ROBO2: variants seen among roughly 807,000 people sequenced by gnomAD.
The protein encoded by ROBO2 is roundabout homolog 2.
A neutral mutation model predicts 160.8 loss-of-function variants in ROBO2; 53 were observed. The observed-to-expected ratio is 0.33, with a 90% confidence interval of 0.26 to 0.41. The LOEUF (loss-of-function observed/expected upper bound fraction) is 0.41, where lower values mean the gene tolerates loss of function less well. Ranked by LOEUF, ROBO2 falls within the 10% of genes least tolerant of loss-of-function variation. The probability of loss-of-function intolerance (pLI) is 1.00; values close to 1 mark genes in which losing one functional copy is unlikely to be tolerated. For missense variants in ROBO2, 1,577 were observed against 1,722.4 expected, an observed-to-expected ratio of 0.92 and a Z score of 1.49; for synonymous variants, 664 against 611.7, an observed-to-expected ratio of 1.09 and a Z score of -1.26.
intron 2 of ROBO2, among the ~76,000 whole-genome samples, chr3:76,029,734 A>G (rs974163105): frequency 2.6e-5 from 4 of 152,150 alleles, no homozygotes; most frequent in Non-Finnish European, 5.9e-5. Flanking sequence ...CATGGTGTAT[A>G]TGTGCCACAT....
chr3:76,029,040 A>G (rs960187769), intron 2 of ROBO2, among the ~76,000 whole-genome samples: 1 of 152,038 alleles, frequency 6.6e-6, no homozygotes, highest in Non-Finnish European at 1.5e-5. Flanking sequence ...ACTTGTGTAT[A>G]CAGTTCTGGA....
At chr3:76,596,911 T>C (rs2086770999) in intron 2 of ROBO2, among the ~76,000 whole-genome samples, 1 of 152,130 alleles carries the variant, frequency 6.6e-6, no homozygotes, top group African/African-American at 2.4e-5. Flanking sequence ...AACAAAAATA[T>C]AACAAAAGTG....
intron 2 of ROBO2, among the ~76,000 whole-genome samples, chr3:76,106,117 C>G (rs1055448673): frequency 6.6e-6 from 1 of 152,026 alleles, no homozygotes; most frequent in Non-Finnish European, 1.5e-5. Context: ...TAAGTGGGCC[C>G]TGTTTGACTG....
rs2093882435 is a variant in ROBO2 at position 76,745,970 on chromosome 3, C to T, written c.110-352044C>T. ...TTAACATTAGGTATATCTCCTAATG[C>T]TATCCCTCCCTCCTTCCCCCACCCC... On this transcript the variant is annotated intron_variant, in intron 2 of 26. Coordinates refer to the ROBO2 transcript ENST00000487694. Among the ~76,000 whole-genome samples the T allele has an allele frequency of 2.1e-5, 3 of 139,858 alleles. No homozygotes were observed. In the South Asian group the frequency reaches 7.2e-4, roughly 34 times the overall value. The allele number at this position is 139,858 out of a possible 152,430, so 91.8% of individuals were successfully genotyped here. A position where few individuals can be genotyped will look rare whatever the true frequency, so the allele number is the denominator to read the frequency against.
At chr3:76,412,243 CT>C (rs2075526516) in intron 2 of ROBO2, among the ~76,000 whole-genome samples, 1 of 152,178 alleles carries the variant, frequency 6.6e-6, no homozygotes, top group African/African-American at 2.4e-5. Flanking sequence ...GTCCCTCCCC[CT>C]GGGTTACTCC....
intron 1 of ROBO2, among the ~76,000 whole-genome samples, chr3:77,068,630 C>T (rs933946908): frequency 3.9e-5 from 6 of 151,998 alleles, no homozygotes; most frequent in Non-Finnish European, 7.4e-5. Flanking sequence ...AATTCAAACT[C>T]ATTACTGATT....
At chr3:77,322,681 T>C (rs1230331151) in intron 2 of ROBO2, among the ~76,000 whole-genome samples, 2 of 148,654 alleles carry the variant, frequency 1.3e-5, no homozygotes, top group Admixed American at 6.9e-5. Context: ...CATTCTTGAA[T>C]ATTTTAGTTT....
intron 22 of ROBO2, among the ~76,000 whole-genome samples, chr3:77,619,373 C>A (rs1351118571): frequency 6.6e-6 from 1 of 152,080 alleles, no homozygotes; most frequent in African/African-American, 2.4e-5. Flanking sequence ...ATAGAACTCA[C>A]CAAAAGATTT....
intron 2 of ROBO2, among the ~76,000 whole-genome samples, chr3:77,461,648 A>T (rs1022065304): frequency 1.4e-4 from 21 of 151,952 alleles, no homozygotes; most frequent in Middle Eastern, 3.4e-3. Flanking sequence ...TTTTAAAAAA[A>T]ATTTTCTTTA....
intron 21 of ROBO2, among the ~76,000 whole-genome samples, chr3:77,614,866 C>T (rs902600450): frequency 6.6e-6 from 1 of 152,198 alleles, no homozygotes; most frequent in Non-Finnish European, 1.5e-5. Context: ...ATCCCTAACT[C>T]TCTTGCCTCT....
At chr3:77,075,991 C>T (rs1162522933) in intron 1 of ROBO2, among the ~76,000 whole-genome samples, 4 of 151,616 alleles carry the variant, frequency 2.6e-5, no homozygotes, top group African/African-American at 9.7e-5. Flanking sequence ...ATACTACATA[C>T]ATACTATTTC....
At chr3:77,180,437 T>A (rs1250085613) in intron 2 of ROBO2, among the ~76,000 whole-genome samples, 39 of 99,086 alleles carry the variant, frequency 3.9e-4, no homozygotes, top group African/African-American at 1.1e-3. Flanking sequence ...TATATGTATT[T>A]TTTTTTTTTT....
chr3:76,801,872 A>G (rs2064226488), intron 2 of ROBO2, among the ~76,000 whole-genome samples: 1 of 152,150 alleles, frequency 6.6e-6, no homozygotes, highest in Non-Finnish European at 1.5e-5. Context: ...TTGAGCCCTT[A>G]GAGTCCTTTG....
intron 2 of ROBO2, among the ~76,000 whole-genome samples, chr3:77,428,337 A>ATTTTTTTTTTTTTTTTTTTTTTTTTTT (rs1491236295): frequency 7.8e-6 from 1 of 128,224 alleles, no homozygotes. Context: ...AACTTAGGTA[A>ATTTTTTTTTTTTTTTTTTTTTTTTTTT]TATTTTTTTT....
chr3:77,498,152 T>C (rs777287878), intron 5 of ROBO2, among the ~76,000 whole-genome samples: 26 of 152,166 alleles, frequency 1.7e-4, no homozygotes, highest in Non-Finnish European at 3.4e-4. Context: ...ATCATATAAC[T>C]TTCAGCATAT....
intron 2 of ROBO2, among the ~76,000 whole-genome samples, chr3:77,210,347 G>C (rs1487301374): frequency 1.3e-5 from 2 of 151,874 alleles, no homozygotes; most frequent in East Asian, 1.9e-4. Flanking sequence ...TTTTGTAATA[G>C]TAATTAATTT....
intron 2 of ROBO2, among the ~76,000 whole-genome samples, chr3:76,256,318 TC>T: frequency 2.3e-5 from 2 of 86,410 alleles, no homozygotes; most frequent in Non-Finnish European, 5.4e-5. Flanking sequence ...TCTCTCTCTC[TC>T]TCTCTCTCTC....
At chr3:76,950,031 A>G (rs113949553) in intron 2 of ROBO2, among the ~76,000 whole-genome samples, 3,682 of 152,272 alleles carry the variant, frequency 0.024, 58 homozygotes, top group Middle Eastern at 0.048. Context: ...CATTCTCAGC[A>G]TTTCTCTTTT....
intron 8 of ROBO2, among the ~76,000 whole-genome samples, chr3:77,551,343 C>T (rs1291155215): frequency 1.3e-5 from 2 of 151,974 alleles, no homozygotes; most frequent in Non-Finnish European, 2.9e-5. Context: ...TTTTATTTCA[C>T]TCTAGGAGGA....
Sources: allele counts gnomAD v4.1 joint callset (sites outside exome capture counted in the v4.1 genomes callset), GRCh38; gene constraint gnomAD v4.1.1; transcripts MANE v1.5; gene names NCBI Gene and HGNC (gene_info 2026-07-23, HGNC 2026-07-21).